Variants in MAP2K4 observed in about 807,000 individuals in gnomAD.
The protein encoded by MAP2K4 is dual specificity mitogen-activated protein kinase kinase 4.
In MAP2K4, 4 loss-of-function variants were observed where a neutral mutation model predicts 48.5. The observed-to-expected ratio is 0.08, with a 90% CI of 0.04 to 0.19. The LOEUF is 0.19. MAP2K4 is among the 10% of genes least tolerant of loss of function. The pLI is 1.00. For synonymous variants in MAP2K4, 166 were observed against 173.1 expected (o/e 0.96, Z 0.32); for missense variants, 258 against 493.3 (o/e 0.52, Z 4.52).
chr17:12,126,629 C>T (rs1026826339), intron 8 of MAP2K4, among the ~76,000 whole-genome samples: 2 of 152,214 alleles, frequency 1.3e-5, no homozygotes, highest in African/African-American at 4.8e-5. Flanking sequence ...CTCGTGACCC[C>T]ATCACTTCCC....
At chr17:12,128,214 A>T (rs1972913998) in intron 8 of MAP2K4, among the ~76,000 whole-genome samples, 1 of 152,098 alleles carries the variant, frequency 6.6e-6, no homozygotes, top group African/African-American at 2.4e-5. Context: ...AATAGCTGGG[A>T]CTACAGGCGC....
intron 4 of MAP2K4, 52 bp from the exon 5 acceptor site, chr17:12,107,738 G>A (rs546628059): frequency 3.4e-6 from 5 of 1,452,640 alleles, no homozygotes; most frequent in Non-Finnish European, 4.7e-6. Context: ...TTAAGTAAAG[G>A]CAAGGTGATA....
chr17:12,074,161 G>GT (rs1423868513), intron 2 of MAP2K4, among the ~76,000 whole-genome samples: 3 of 151,864 alleles, frequency 2.0e-5, no homozygotes, highest in Non-Finnish European at 2.9e-5. Context: ...CCATCCTTTC[G>GT]TTTTTTTAAT....
intron 3 of MAP2K4, among the ~76,000 whole-genome samples, chr17:12,092,164 G>A (rs1406289196): frequency 6.6e-6 from 1 of 152,042 alleles, no homozygotes; most frequent in African/African-American, 2.4e-5. Context: ...GGAAAAAAAG[G>A]TTTGCTGAGC....
intron 1 of MAP2K4, among the ~76,000 whole-genome samples, chr17:12,043,699 A>G (rs908551135): frequency 1.3e-5 from 2 of 152,176 alleles, no homozygotes; most frequent in African/African-American, 4.8e-5. Flanking sequence ...AGGACCCTGT[A>G]TAGGGCAAGG....
At chr17:12,124,045 G>C (rs1972774253) in intron 7 of MAP2K4, among the ~76,000 whole-genome samples, 1 of 150,438 alleles carries the variant, frequency 6.6e-6, no homozygotes, top group African/African-American at 2.4e-5. Flanking sequence ...ATTTTAATGT[G>C]TACCTTATCA....
At position 12,074,545 on chromosome 17, in the gene MAP2K4, A is replaced by G. The variant is rs545474779; in HGVS notation, c.219-6811A>G. 5.3e-5 allele frequency among the ~76,000 whole-genome samples: 8 copies of G among 152,240 alleles called. No individual in the cohort carries two copies. In the South Asian group the frequency reaches 1.2e-3, roughly 24 times the overall value. On this transcript the variant is annotated intron_variant, in intron 2 of 10. Coordinates refer to ENST00000353533, the MANE Select transcript of MAP2K4 (RefSeq NM_003010.4). ...TTCCACTCCAGTGGCTAAGAATAGG[A>G]GCTGCCTTGTATGAGCCTGGGTATC...
chr17:12,054,126 T>G (rs1442878962), intron 1 of MAP2K4, among the ~76,000 whole-genome samples: 1 of 152,156 alleles, frequency 6.6e-6, no homozygotes, highest in African/African-American at 2.4e-5. Context: ...ATTTCAATTG[T>G]AGTGAAAAAA....
chr17:12,062,004 G>T (rs1242009338), intron 2 of MAP2K4, among the ~76,000 whole-genome samples: 1 of 151,578 alleles, frequency 6.6e-6, no homozygotes, highest in African/African-American at 2.4e-5. Flanking sequence ...GGTTCACTGT[G>T]AATCTTCTCT....
chr17:12,120,976 G>A (rs977167952), intron 7 of MAP2K4, among the ~76,000 whole-genome samples: 1 of 152,088 alleles, frequency 6.6e-6, no homozygotes, highest in African/African-American at 2.4e-5. Flanking sequence ...GTATTGATAC[G>A]TCATATTTTT....
At chr17:12,116,728 A>T (rs370127806) in intron 7 of MAP2K4, among the ~76,000 whole-genome samples, 6 of 152,330 alleles carry the variant, frequency 3.9e-5, no homozygotes, top group African/African-American at 1.4e-4. Flanking sequence ...GAAGGTCCTC[A>T]GGGGCAGTAA....
intron 2 of MAP2K4, among the ~76,000 whole-genome samples, chr17:12,058,233 T>C (rs1323363609): frequency 8.0e-6 from 1 of 124,284 alleles, no homozygotes; most frequent in South Asian, 2.4e-4. Context: ...CTTTCTTTTT[T>C]TTTTTTTTTT....
intron 1 of MAP2K4, among the ~76,000 whole-genome samples, chr17:12,047,199 C>T (rs1047620881): frequency 3.3e-5 from 5 of 152,004 alleles, no homozygotes; most frequent in African/African-American, 7.3e-5. Flanking sequence ...CTCTGAGGCC[C>T]GATCCTGTCA....
chr17:12,106,882 CTT>C (rs1972132466), intron 4 of MAP2K4, among the ~76,000 whole-genome samples: 1 of 151,970 alleles, frequency 6.6e-6, no homozygotes, highest in Admixed American at 6.6e-5. Context: ...TAGATAATCT[CTT>C]TAATGTTGTT....
At chr17:12,117,599 T>G (rs1353493450) in intron 7 of MAP2K4, among the ~76,000 whole-genome samples, 1 of 22,106 alleles carries the variant, frequency 4.5e-5, no homozygotes, top group African/African-American at 9.9e-5. Context: ...CTCACTGTAT[T>G]TTTTTTTGTT....
chr17:12,093,500 A>G (rs1414416238), intron 3 of MAP2K4, among the ~76,000 whole-genome samples: 1 of 152,188 alleles, frequency 6.6e-6, no homozygotes, highest in East Asian at 1.9e-4. Context: ...TGACTGTAAT[A>G]TGCTTCCTAG....
At chr17:12,083,449 AC>A (rs1372050485) in intron 3 of MAP2K4, among the ~76,000 whole-genome samples, 4 of 152,198 alleles carry the variant, frequency 2.6e-5, no homozygotes, top group African/African-American at 9.6e-5. Flanking sequence ...CAGTCATGAG[AC>A]CTACAAACTG....
intron 3 of MAP2K4, among the ~76,000 whole-genome samples, chr17:12,094,919 A>G (rs149275935): frequency 6.6e-6 from 1 of 152,312 alleles, no homozygotes; most frequent in African/African-American, 2.4e-5. Context: ...GCTGCCCTAC[A>G]TGCTGACTCA....
intron 4 of MAP2K4, among the ~76,000 whole-genome samples, chr17:12,097,092 A>G (rs1274320828): frequency 6.6e-6 from 1 of 152,170 alleles, no homozygotes; most frequent in East Asian, 1.9e-4. Flanking sequence ...GTTATTCTAA[A>G]TGTTTGGAAC....
Sources: allele counts gnomAD v4.1 joint callset (sites outside exome capture counted in the v4.1 genomes callset), GRCh38; gene constraint gnomAD v4.1.1; transcripts MANE v1.5; gene names NCBI Gene and HGNC (gene_info 2026-07-23, HGNC 2026-07-21).